Variants in ZSCAN5A observed in about 807,000 individuals in gnomAD.
The protein encoded by ZSCAN5A is zinc finger and SCAN domain-containing protein 5A.
A neutral mutation model predicts 23.7 loss-of-function variants in ZSCAN5A; 12 were observed. The observed-to-expected ratio is 0.51, with a 90% CI of 0.32 to 0.82. ZSCAN5A has a LOEUF of 0.82. Among genes scored for constraint, ZSCAN5A ranks in the 40% least tolerant of loss-of-function variants. The pLI is 0.03. For missense variants in ZSCAN5A, 597 were observed against 617.9 expected (o/e 0.97, Z 0.36); for synonymous variants, 257 against 239.9 (o/e 1.07, Z -0.66).
intron 2 of ZSCAN5A, among the ~76,000 whole-genome samples, chr19:56,362,858 G>A (rs2041742940): frequency 1.3e-5 from 2 of 148,238 alleles, no homozygotes; most frequent in African/African-American, 5.0e-5. Context: ...GCGACAGAGT[G>A]AGACTCTGCC....
chr19:56,265,371 T>C (rs1488133255), intron 2 of ZSCAN5A, among the ~76,000 whole-genome samples: 1 of 148,548 alleles, frequency 6.7e-6, no homozygotes, highest in East Asian at 2.0e-4. Flanking sequence ...TATGCACCTA[T>C]ACTCTATGTA....
intron 2 of ZSCAN5A, among the ~76,000 whole-genome samples, chr19:56,262,751 A>G (rs1303845046): frequency 2.0e-5 from 3 of 152,314 alleles, no homozygotes; most frequent in South Asian, 2.1e-4. Flanking sequence ...ATTCAACATT[A>G]TATTGATAAA....
chr19:56,303,929 C>T (rs1362263272), intron 2 of ZSCAN5A, among the ~76,000 whole-genome samples: 1 of 152,176 alleles, frequency 6.6e-6, no homozygotes, highest in Non-Finnish European at 1.5e-5. Flanking sequence ...CAGGAACACA[C>T]TGAGTACCTT....
At chr19:56,333,617 T>C (rs2041508891) in intron 2 of ZSCAN5A, among the ~76,000 whole-genome samples, 1 of 152,100 alleles carries the variant, frequency 6.6e-6, no homozygotes, top group Admixed American at 6.5e-5. Flanking sequence ...ATGCATGCTT[T>C]GAATTTTTTG....
chr19:56,296,714 T>C (rs1352324654), intron 2 of ZSCAN5A, among the ~76,000 whole-genome samples: 1 of 151,914 alleles, frequency 6.6e-6, no homozygotes, highest in Non-Finnish European at 1.5e-5. Flanking sequence ...AATAGAGTAA[T>C]GGGGATGGAA....
chr19:56,261,147 G>T (rs1299096241), intron 2 of ZSCAN5A, among the ~76,000 whole-genome samples: 1 of 151,848 alleles, frequency 6.6e-6, no homozygotes, highest in Non-Finnish European at 1.5e-5. Flanking sequence ...GGCGGAGGTT[G>T]CAGTGAGCTG....
chr19:56,280,623 T>C (rs1204429223), intron 2 of ZSCAN5A: 2 of 152,236 alleles, frequency 1.3e-5, no homozygotes, highest in African/African-American at 4.8e-5. Context: ...TAGAAATTTA[T>C]TGGCTCATGT....
At chr19:56,335,244 G>A (rs1169735903) in intron 2 of ZSCAN5A, among the ~76,000 whole-genome samples, 4 of 146,936 alleles carry the variant, frequency 2.7e-5, no homozygotes, top group Non-Finnish European at 3.0e-5. Flanking sequence ...GACAAGGATA[G>A]AAAAAAAAAA....
At chr19:56,250,024 TTCTTG>T (rs1369375528) in intron 2 of ZSCAN5A, among the ~76,000 whole-genome samples, 1 of 152,214 alleles carries the variant, frequency 6.6e-6, no homozygotes, top group African/African-American at 2.4e-5. Context: ...GACACCTCGG[TTCTTG>T]TCTTCTTAAT....
chr19:56,361,422 A>C (rs1278397173), intron 2 of ZSCAN5A, among the ~76,000 whole-genome samples: 1 of 152,256 alleles, frequency 6.6e-6, no homozygotes, highest in Non-Finnish European at 1.5e-5. Flanking sequence ...TCATTGTAAC[A>C]CTATTCACAA....
intron 2 of ZSCAN5A, among the ~76,000 whole-genome samples, chr19:56,307,227 CT>C (rs2040746609): frequency 6.6e-6 from 1 of 152,188 alleles, no homozygotes; most frequent in Admixed American, 6.5e-5. Flanking sequence ...CCCACGTCGC[CT>C]GCCTTTCATC....
At chr19:56,325,993 T>C (rs1245419419) in intron 2 of ZSCAN5A, among the ~76,000 whole-genome samples, 2 of 151,730 alleles carry the variant, frequency 1.3e-5, no homozygotes, top group South Asian at 2.1e-4. Flanking sequence ...AGTGCAGTGG[T>C]GTGATCTCCG....
chr19:56,308,967 C>A (rs1302947300), intron 2 of ZSCAN5A, among the ~76,000 whole-genome samples: 1 of 152,198 alleles, frequency 6.6e-6, no homozygotes, highest in Non-Finnish European at 1.5e-5. Context: ...CCAAATATTA[C>A]GTGTTGGCTT....
chr19:56,226,283 C>T (rs1322980258), intron 2 of ZSCAN5A, among the ~76,000 whole-genome samples: 1 of 152,098 alleles, frequency 6.6e-6, no homozygotes, highest in Non-Finnish European at 1.5e-5. Context: ...TCGGCAGAGG[C>T]GGGAGACAAC....
chr19:56,251,436 G>A (rs2036333879), intron 2 of ZSCAN5A, among the ~76,000 whole-genome samples: 2 of 152,084 alleles, frequency 1.3e-5, no homozygotes. Context: ...TTGAGAAGCT[G>A]TATCAGTCAG....
intron 2 of ZSCAN5A, among the ~76,000 whole-genome samples, chr19:56,273,466 A>AAAAAGACAGACAG (rs80267730): frequency 0.43 from 64,990 of 151,726 alleles, 15,315 homozygotes; most frequent in Non-Finnish European, 0.53. Flanking sequence ...TATAGTGATG[A>AAAAAGACAGACAG]AAATAGTTCT....
chr19:56,236,638 C>T (rs375607091), intron 2 of ZSCAN5A, among the ~76,000 whole-genome samples: 2,744 of 51,956 alleles, frequency 0.053, 93 homozygotes, highest in Non-Finnish European at 0.082. Context: ...CTCTGATGGA[C>T]GGTGGGCCAA....
intron 2 of ZSCAN5A, chr19:56,247,147 T>C (rs1477750533): frequency 6.2e-6 from 4 of 646,992 alleles, no homozygotes; most frequent in East Asian, 2.6e-5. Flanking sequence ...ACCCTTTCAA[T>C]GTAATTTCTG....
At chr19:56,367,225 A>G (rs948450211) in intron 1 of ZSCAN5A, 1 of 152,154 alleles carries the variant, frequency 6.6e-6, no homozygotes, top group African/African-American at 2.4e-5. Context: ...ATGGTGGTGC[A>G]CACCTGTAGT....
Sources: gnomAD v4.1 joint callset for allele counts (sites outside exome capture counted in the v4.1 genomes callset) on GRCh38, gnomAD v4.1.1 for gene constraint, MANE v1.5 for transcripts, NCBI Gene and HGNC (gene_info 2026-07-23, HGNC 2026-07-21) for gene names.